The following TMEM132C variants were observed in gnomAD, a reference collection of about 807,000 sequenced individuals.
TMEM132C encodes protein phosphatase 1, regulatory subunit 152.
A neutral mutation model predicts 61.4 loss-of-function variants in TMEM132C; 29 were observed. The observed-to-expected ratio is 0.47, with a 90% CI of 0.35 to 0.64. The LOEUF (loss-of-function observed/expected upper bound fraction) is 0.64, where lower values mean the gene tolerates loss of function less well. Ranked by LOEUF, TMEM132C falls within the 30% of genes least tolerant of loss-of-function variation. TMEM132C has a pLI of 0.00. For missense variants in TMEM132C, 1,408 were observed against 1,476.9 expected, an observed-to-expected ratio of 0.95 and a Z score of 0.76; for synonymous variants, 656 against 633.1, an observed-to-expected ratio of 1.04 and a Z score of -0.54.
intron 1 of TMEM132C, among the ~76,000 whole-genome samples, chr12:128,354,039 G>A (rs1199080291): frequency 1.3e-5 from 2 of 152,216 alleles, no homozygotes; most frequent in African/African-American, 2.4e-5. Context: ...ATGAAGAAGA[G>A]AAGCAGATCT....
intron 2 of TMEM132C, among the ~76,000 whole-genome samples, chr12:128,439,797 A>G (rs1869721519): frequency 6.6e-6 from 1 of 152,124 alleles, no homozygotes; most frequent in Non-Finnish European, 1.5e-5. Flanking sequence ...CATCCCCTAC[A>G]GTAAGGGAAA....
chr12:128,542,256 C>T (rs953674025), intron 2 of TMEM132C, among the ~76,000 whole-genome samples: 2 of 152,102 alleles, frequency 1.3e-5, no homozygotes, highest in East Asian at 3.8e-4. Flanking sequence ...AAATCTGTTG[C>T]TGCGGCTGCA....
chr12:128,562,705 C>T (rs976943667), intron 3 of TMEM132C, among the ~76,000 whole-genome samples: 7 of 152,176 alleles, frequency 4.6e-5, no homozygotes, highest in Non-Finnish European at 8.8e-5. Flanking sequence ...GGGCAAGCGA[C>T]CATCTTAAAA....
In TMEM132C at chr12:128,696,109, A is replaced by T; in HGVS notation, c.1929+6A>T. ...TTGGGATGACGACCATCCAGGTAGGAAGCTGGGAGTCTCTGTGTCCCCAGC... is the reference window on the plus strand; with the variant it reads ...TTGGGATGACGACCATCCAGGTAGGTAGCTGGGAGTCTCTGTGTCCCCAGC... On this transcript the variant is annotated splice_donor_region_variant and intron_variant, in intron 7 of 8. Transcript: ENST00000435159. The T allele has an allele frequency of 6.5e-7, 1 of 1,550,310 alleles. No homozygotes were observed.
At chr12:128,349,292 C>T (rs1000457549) in intron 1 of TMEM132C, among the ~76,000 whole-genome samples, 5 of 152,140 alleles carry the variant, frequency 3.3e-5, no homozygotes, top group African/African-American at 1.2e-4. Flanking sequence ...TGTGAGTTAC[C>T]GTGCCCAGCT....
At chr12:128,359,959 A>G (rs952092) in intron 1 of TMEM132C, among the ~76,000 whole-genome samples, 91,464 of 151,998 alleles carry the variant, frequency 0.6, 27,750 homozygotes, top group East Asian at 0.82. Context: ...ACGGGTGATG[A>G]AGGATGTTTT....
chr12:128,643,568 A>G (rs1425908327), intron 4 of TMEM132C, among the ~76,000 whole-genome samples: 1 of 152,092 alleles, frequency 6.6e-6, no homozygotes, highest in Non-Finnish European at 1.5e-5. Flanking sequence ...AAATCTCAGT[A>G]TTCGGACACT....
intron 1 of TMEM132C, among the ~76,000 whole-genome samples, chr12:128,302,284 TGTC>T (rs1173962261): frequency 6.6e-6 from 1 of 152,244 alleles, no homozygotes; most frequent in Non-Finnish European, 1.5e-5. Flanking sequence ...AGCTGACCAC[TGTC>T]ATCACAGTGC....
intron 2 of TMEM132C, among the ~76,000 whole-genome samples, chr12:128,483,895 C>A (rs1246676522): frequency 6.6e-6 from 1 of 152,012 alleles, no homozygotes; most frequent in African/African-American, 2.4e-5. Context: ...AGATAATAAA[C>A]CCTCAAAGCT....
intron 3 of TMEM132C, among the ~76,000 whole-genome samples, chr12:128,605,867 A>G (rs189522679): frequency 1.3e-5 from 2 of 152,332 alleles, no homozygotes; most frequent in East Asian, 3.9e-4. Context: ...TTTTCAGGTC[A>G]TTTGTGGGGT....
intron 1 of TMEM132C, among the ~76,000 whole-genome samples, chr12:128,297,101 C>G (rs895687146): frequency 6.6e-6 from 1 of 151,868 alleles, no homozygotes; most frequent in African/African-American, 2.4e-5. Context: ...CCTTTTTAAA[C>G]TTTCATGATT....
intron 4 of TMEM132C, among the ~76,000 whole-genome samples, chr12:128,654,191 C>A (rs1227156755): frequency 2.6e-5 from 4 of 152,150 alleles, no homozygotes; most frequent in African/African-American, 7.2e-5. Flanking sequence ...AAGATGAGGT[C>A]ATTAGGTGGC....
chr12:128,309,053 G>C (rs1202295165), intron 1 of TMEM132C, among the ~76,000 whole-genome samples: 1 of 152,060 alleles, frequency 6.6e-6, no homozygotes, highest in Non-Finnish European at 1.5e-5. Context: ...ACAATTTGGG[G>C]GAGGGGTGGG....
At chr12:128,307,759 A>G (rs890276484) in intron 1 of TMEM132C, among the ~76,000 whole-genome samples, 6 of 152,364 alleles carry the variant, frequency 3.9e-5, no homozygotes, top group African/African-American at 1.4e-4. Flanking sequence ...AAGAACTTCA[A>G]GTCATCGTAT....
chr12:128,695,211 A>C (rs1954750014), intron 6 of TMEM132C, among the ~76,000 whole-genome samples: 1 of 152,208 alleles, frequency 6.6e-6, no homozygotes, highest in South Asian at 2.1e-4. Context: ...TTTTTATCTA[A>C]TTTTTATTTA....
chr12:128,318,921 G>T lies in TMEM132C; in HGVS notation c.85+51434G>T, dbSNP rs532509949. ...AGTTGTGGGCCCTCACCTTGCAGGGGATCCTTTCTTATCATGGCAAAAACA... is the reference window on the plus strand; with the variant it reads ...AGTTGTGGGCCCTCACCTTGCAGGGTATCCTTTCTTATCATGGCAAAAACA... On this transcript the variant is annotated intron_variant, in intron 1 of 8. Transcript: ENST00000435159. Among the ~76,000 whole-genome samples the T allele has an allele frequency of 1.1e-4, 16 of 152,276 alleles. No individual in the cohort carries two copies. In the East Asian group the frequency reaches 1.5e-3, roughly 15 times the overall value.
At chr12:128,297,598 A>G (rs1324538168) in intron 1 of TMEM132C, among the ~76,000 whole-genome samples, 2 of 152,234 alleles carry the variant, frequency 1.3e-5, no homozygotes, top group Non-Finnish European at 2.9e-5. Flanking sequence ...AAGGCACTCG[A>G]CTTGAACTGA....
Position 128,707,466 on chromosome 12 carries a change from G to A in TMEM132C, c.*1171G>A, listed in dbSNP as rs765305588. Reference sequence around the variant, plus strand: ...TTATGTTGTTGGGTGGGGTATACCAGCATAAACTCTAAAGATAAAATCTAT... The same window carrying A: ...TTATGTTGTTGGGTGGGGTATACCAACATAAACTCTAAAGATAAAATCTAT... On this transcript the variant is annotated 3_prime_UTR_variant, in exon 9 of 9. Coordinates refer to ENST00000435159, the MANE Select transcript of TMEM132C (RefSeq NM_001136103.3). The A allele has an allele frequency of 1.3e-5, 2 of 152,224 alleles. No individual in the cohort carries two copies. Among genetic ancestry groups the A allele is most frequent in the Non-Finnish European group, 2.9e-5 (2 of 68,044 alleles). 9.4% of individuals were successfully genotyped at this position (152,224 alleles called of 1,614,324 possible). A position where few individuals can be genotyped will look rare whatever the true frequency, so the allele number is the denominator to read the frequency against.
Position 128,415,478 on chromosome 12 carries a change from C to T in TMEM132C, c.832C>T (p.Gln278Ter). 1 of 1,551,634 alleles carries T rather than the reference C, an allele frequency of 6.4e-7. No homozygotes were observed. The highest frequency in any genetic ancestry group is 1.2e-5 in the South Asian group (1 of 84,054). ...CGGCACCGTCGGCCTTTACCGGGCC[C>T]AGGACAGCGCCCAGCTCAGCGAGCT... ...RIGTVGLYRAQDSAQLSELRL... is the reference protein window; with the variant it reads ...RIGTVGLYRA Residue 278 changes from glutamine (Q) to a stop codon, truncating the protein, a stop_gained, in exon 2 of 9, where the codon CAG becomes TAG. Coordinates refer to ENST00000435159, the MANE Select transcript of TMEM132C (RefSeq NM_001136103.3). LOFTEE classifies it high-confidence loss of function. The surrounding 1 kb of genome is among the most constrained non-coding windows in gnomAD (Gnocchi z 5.8).
Sources: allele counts gnomAD v4.1 joint callset (sites outside exome capture counted in the v4.1 genomes callset), GRCh38; gene constraint gnomAD v4.1.1; non-coding constraint Gnocchi (gnomAD v3.1); transcripts MANE v1.5; gene names NCBI Gene and HGNC (gene_info 2026-07-23, HGNC 2026-07-21).